The following ARHGEF11 variants were observed in gnomAD, a reference collection of about 807,000 sequenced individuals.
ARHGEF11 encodes the protein Rho guanine nucleotide exchange factor 11, also known as Rho guanine exchange factor (GEF) 11.
In ARHGEF11, 55 loss-of-function variants were observed where a neutral mutation model predicts 193.7. That is an observed-to-expected ratio of 0.28 (90% CI 0.23 to 0.36). ARHGEF11 has a LOEUF of 0.36. Among genes scored for constraint, ARHGEF11 ranks in the 10% least tolerant of loss-of-function variants. The pLI, the probability that ARHGEF11 is intolerant of heterozygous loss-of-function variation, is 1.00. For missense variants in ARHGEF11, 1,723 were observed against 2,005.6 expected, an observed-to-expected ratio of 0.86 and a Z score of 2.69; for synonymous variants, 693 against 768.0, an observed-to-expected ratio of 0.90 and a Z score of 1.62.
intron 15 of ARHGEF11, among the ~76,000 whole-genome samples, chr1:156,959,698 A>G (rs1660501108): frequency 6.6e-6 from 1 of 152,180 alleles, no homozygotes; most frequent in South Asian, 2.1e-4. Flanking sequence ...TCCCCGTCAC[A>G]TGTGCCCGTA....
At chr1:157,001,425 C>G (rs1667195516) in intron 1 of ARHGEF11, among the ~76,000 whole-genome samples, 1 of 152,212 alleles carries the variant, frequency 6.6e-6, no homozygotes, top group Non-Finnish European at 1.5e-5. Context: ...GTTTCATCAC[C>G]CAGGATCCAC....
In ARHGEF11 at chr1:156,939,733, T is replaced by G. The variant is rs759795645; in HGVS notation, c.3911A>C (p.Asn1304Thr). ...GQAPPGGEGD[N>T]TQLAGLEGER... ...CCCCTCCAGCCCTGCAAGCTGGGTG[T>G]TGTCCCCTTCACCCCCAGGGGGTGC... Residue 1304 changes from asparagine (N) to threonine (T), a missense_variant, in exon 37 of 41, where the codon AAC (asparagine) becomes ACC (threonine). Around this residue, in one of 5 missense-constraint regions of ARHGEF11, gnomAD observed 360 missense variants for 344.4 expected, o/e 1.05. Coordinates refer to ENST00000368194, the MANE Select transcript of ARHGEF11 (RefSeq NM_198236.3). The G allele has an allele frequency of 3.1e-6, 5 of 1,614,076 alleles. No individual in the cohort carries two copies. The highest frequency in any genetic ancestry group is 4.2e-6 in the Non-Finnish European group (5 of 1,180,002).
chr1:156,989,232 C>T (rs1298269347), intron 1 of ARHGEF11, among the ~76,000 whole-genome samples: 1 of 151,818 alleles, frequency 6.6e-6, no homozygotes, highest in African/African-American at 2.4e-5. Flanking sequence ...CAGTTATCCC[C>T]TACTGCCAGT....
At chr1:157,042,069 C>T (rs1339464558) in intron 1 of ARHGEF11, among the ~76,000 whole-genome samples, 1 of 152,108 alleles carries the variant, frequency 6.6e-6, no homozygotes, top group Non-Finnish European at 1.5e-5. Flanking sequence ...ATTGAATAAG[C>T]CTACAGTTAA....
upstream of ARHGEF11, among the ~76,000 whole-genome samples, chr1:157,046,432 G>A (rs1383427464): frequency 2.0e-5 from 2 of 102,086 alleles, no homozygotes; most frequent in Non-Finnish European, 2.1e-5. Context: ...GGCGCCCGCA[G>A]CTGCGGCTCA....
intron 13 of ARHGEF11, among the ~76,000 whole-genome samples, 163 bp from the exon 14 acceptor site, chr1:156,961,938 A>G (rs567106758): frequency 1.3e-5 from 2 of 152,338 alleles, no homozygotes; most frequent in Admixed American, 6.5e-5. Flanking sequence ...TGATGCAGCC[A>G]TATTTCCCCA....
intron 1 of ARHGEF11, among the ~76,000 whole-genome samples, chr1:157,004,727 A>G (rs919599086): frequency 7.2e-5 from 11 of 152,236 alleles, no homozygotes; most frequent in African/African-American, 2.7e-4. Flanking sequence ...GCTGAAAAAA[A>G]CTTTCACAGA....
At chr1:156,936,136 G>A in intron 40 of ARHGEF11, 78 bp from the exon 41 acceptor site, 3 of 1,439,620 alleles carry the variant, frequency 2.1e-6, no homozygotes, top group Non-Finnish European at 2.0e-6. Context: ...GAAAGTTCAG[G>A]CTCACGAGAA....
chr1:156,992,423 C>T (rs1335384307), intron 1 of ARHGEF11, among the ~76,000 whole-genome samples: 3 of 152,176 alleles, frequency 2.0e-5, no homozygotes, highest in African/African-American at 4.8e-5. Flanking sequence ...GTGGACTTCC[C>T]GGTATGCCTG....
intron 14 of ARHGEF11, among the ~76,000 whole-genome samples, chr1:156,961,164 G>T (rs1439262996): frequency 1.3e-5 from 2 of 152,238 alleles, no homozygotes; most frequent in African/African-American, 4.8e-5. Flanking sequence ...CTTGCCAGCG[G>T]GATCCCTGAC....
intron 1 of ARHGEF11, among the ~76,000 whole-genome samples, chr1:157,038,925 G>T (rs1211059895): frequency 6.6e-6 from 1 of 152,092 alleles, no homozygotes; most frequent in African/African-American, 2.4e-5. Flanking sequence ...AGGCTGAAGT[G>T]GGAGGACCAC....
chr1:156,971,503 G>T (rs1662478811), intron 8 of ARHGEF11, among the ~76,000 whole-genome samples, 194 bp downstream of exon 8: 1 of 152,124 alleles, frequency 6.6e-6, no homozygotes, highest in Admixed American at 6.5e-5. Flanking sequence ...TCTTTTTATG[G>T]TATCCCAAGT....
chr1:156,975,208 C>T (rs1663090667), intron 7 of ARHGEF11, among the ~76,000 whole-genome samples: 1 of 152,206 alleles, frequency 6.6e-6, no homozygotes, highest in African/African-American at 2.4e-5. Context: ...CCACATCTCA[C>T]AACGCTTGTT....
intron 30 of ARHGEF11, 82 bp downstream of exon 30, chr1:156,944,937 T>C: frequency 6.6e-7 from 1 of 1,517,638 alleles, no homozygotes; most frequent in Non-Finnish European, 8.8e-7. Flanking sequence ...CCTCTAAGAC[T>C]CTCCAAGCCC....
intron 1 of ARHGEF11, among the ~76,000 whole-genome samples, chr1:157,004,193 CT>C (rs1400141133): frequency 2.0e-5 from 3 of 152,198 alleles, no homozygotes; most frequent in Admixed American, 6.5e-5. Flanking sequence ...CCTCTCTGAA[CT>C]TTTCAAAAAT....
intron 39 of ARHGEF11, 54 bp from the exon 40 acceptor site, chr1:156,937,059 C>T: frequency 1.3e-6 from 2 of 1,592,194 alleles, no homozygotes; most frequent in Non-Finnish European, 1.7e-6. Context: ...CCTAAGGCCC[C>T]TGGGGAAGGG....
At position 156,939,547 on chromosome 1, in the gene ARHGEF11, C is replaced by T; in HGVS notation, c.4096+1G>A. The T allele has an allele frequency of 2.5e-6, 4 of 1,610,302 alleles. No individual in the cohort carries two copies. The highest frequency in any genetic ancestry group is 3.4e-6 in the Non-Finnish European group (4 of 1,180,018). On this transcript the variant is annotated splice_donor_variant, in intron 37 of 40. Transcript: ENST00000368194. LOFTEE classifies it high-confidence loss of function. ...CCACTGGACACTCCCATTTATTTTA[C>T]CTTTTCTCACAACTTTGTAACCTCC...
At chr1:156,950,550 G>A (rs1225790091) in intron 22 of ARHGEF11, among the ~76,000 whole-genome samples, 3 of 152,158 alleles carry the variant, frequency 2.0e-5, no homozygotes, top group African/African-American at 7.2e-5. Context: ...TGAGGTGGGA[G>A]GATCCCTTGA....
chr1:156,948,116 G>C lies in ARHGEF11; in HGVS notation c.2153+65C>G. ...CCAACCAGCCCCTTGCAGGTGAGAG[G>C]AGCAGCTGGGTGTGGATGGGACACA... On this transcript the variant is annotated intron_variant, in intron 24 of 40. Transcript: ENST00000368194. The surrounding 1 kb of genome is among the most constrained non-coding windows in gnomAD (Gnocchi z 4.2). 6.5e-7 allele frequency: 1 copy of C among 1,538,640 alleles called. No individual in the cohort carries two copies.
Sources: gnomAD v4.1 joint callset for allele counts (sites outside exome capture counted in the v4.1 genomes callset) on GRCh38, gnomAD v4.1.1 for gene constraint, gnomAD v4.1.1 regional missense constraint, Gnocchi (gnomAD v3.1) non-coding constraint, MANE v1.5 for transcripts, NCBI Gene and HGNC (gene_info 2026-07-23, HGNC 2026-07-21) for gene names.